Variants in AGBL4 observed in about 807,000 individuals in gnomAD.
The protein encoded by AGBL4 is cytosolic carboxypeptidase 6.
AGBL4 carries 58 observed loss-of-function variants against 66.4 expected under a neutral mutation model. The ratio of observed to expected loss-of-function variants is 0.87; its 90% CI spans 0.71 to 1.09. The LOEUF (loss-of-function observed/expected upper bound fraction) is 1.09. AGBL4 is among the 50% of genes least tolerant of loss of function. The pLI, the probability that AGBL4 is intolerant of heterozygous loss-of-function variation, is 0.00. For missense variants in AGBL4, 579 were observed against 631.0 expected, an observed-to-expected ratio of 0.92 and a Z score of 0.88; for synonymous variants, 234 against 222.9, an observed-to-expected ratio of 1.05 and a Z score of -0.44.
intron 1 of AGBL4, among the ~76,000 whole-genome samples, chr1:49,862,163 A>C (rs1261523281): frequency 6.6e-6 from 1 of 152,180 alleles, no homozygotes; most frequent in Non-Finnish European, 1.5e-5. Context: ...GAAGGAATTC[A>C]GAATGCTATC....
chr1:48,605,344 A>G (rs1412115136), intron 9 of AGBL4, among the ~76,000 whole-genome samples: 3 of 152,266 alleles, frequency 2.0e-5, no homozygotes, highest in African/African-American at 7.2e-5. Flanking sequence ...TAGGCAATCT[A>G]TGCTTTCTCC....
chr1:49,828,056 G>A (rs956689186), intron 2 of AGBL4, among the ~76,000 whole-genome samples: 3 of 151,566 alleles, frequency 2.0e-5, no homozygotes, highest in Non-Finnish European at 2.9e-5. Context: ...TTGGAAGGGA[G>A]TTCATAGCTT....
rs190294801 is a variant in AGBL4, at chr1:48,995,193, A to G, written c.594+50391T>C. Among the ~76,000 whole-genome samples, 157 of 152,286 alleles carry G rather than the reference A, an allele frequency of 1.0e-3. 1 individual carries two copies. Among genetic ancestry groups the G allele is most frequent in the Admixed American group, 5.0e-3 (77 of 15,298 alleles). On this transcript the variant is annotated intron_variant, in intron 5 of 13. Transcript: ENST00000371839. ...ATCTTCCCCTACTCTTCACCTGGCT[A>G]AAACCAACCTATCCTGCAAATTTCA...
At chr1:49,330,163 T>G (rs1447912007) in intron 3 of AGBL4, among the ~76,000 whole-genome samples, 3 of 152,252 alleles carry the variant, frequency 2.0e-5, no homozygotes, top group African/African-American at 7.2e-5. Context: ...GCACCTGTAA[T>G]CCCAGCACTT....
chr1:48,864,407 A>G (rs897777611), intron 6 of AGBL4, among the ~76,000 whole-genome samples: 5 of 152,230 alleles, frequency 3.3e-5, no homozygotes, highest in Non-Finnish European at 7.4e-5. Context: ...AGATGCATAT[A>G]ATTAATAAAT....
At chr1:49,687,116 G>A (rs766795317) in intron 3 of AGBL4, among the ~76,000 whole-genome samples, 1 of 152,166 alleles carries the variant, frequency 6.6e-6, no homozygotes, top group Non-Finnish European at 1.5e-5. Flanking sequence ...AGGTAATAGA[G>A]GGGTATTTAA....
chr1:48,961,070 C>T (rs1657927106), intron 5 of AGBL4, among the ~76,000 whole-genome samples: 1 of 148,964 alleles, frequency 6.7e-6, no homozygotes, highest in African/African-American at 2.6e-5. Flanking sequence ...TTGGGCAGAT[C>T]CCAGTCTGGG....
At chr1:49,210,205 C>T (rs1268599386) in intron 4 of AGBL4, among the ~76,000 whole-genome samples, 2 of 152,082 alleles carry the variant, frequency 1.3e-5, no homozygotes, top group Non-Finnish European at 2.9e-5. Flanking sequence ...ATTGTACAAA[C>T]ATGATCTCCT....
At chr1:48,849,181 A>C (rs1646980257) in intron 6 of AGBL4, among the ~76,000 whole-genome samples, 1 of 152,226 alleles carries the variant, frequency 6.6e-6, no homozygotes, top group Non-Finnish European at 1.5e-5. Flanking sequence ...ATAGCTGACT[A>C]AGACGAAAAT....
At chr1:48,534,995 G>C in intron 12 of AGBL4, 79 bp from the exon 13 acceptor site, 1 of 1,296,718 alleles carries the variant, frequency 7.7e-7, no homozygotes, top group South Asian at 1.3e-5. Context: ...CTATTCATCT[G>C]TCATTGAAGG....
chr1:48,607,784 A>G (rs1225493340), intron 9 of AGBL4, among the ~76,000 whole-genome samples: 1 of 152,206 alleles, frequency 6.6e-6, no homozygotes, highest in Non-Finnish European at 1.5e-5. Context: ...ACAAAACCAC[A>G]AAACAGGGTG....
At chr1:48,627,526 A>G (rs1055784178) in intron 9 of AGBL4, among the ~76,000 whole-genome samples, 9 of 151,690 alleles carry the variant, frequency 5.9e-5, no homozygotes, top group Admixed American at 2.6e-4. Context: ...GTTATAATTT[A>G]TTTATTTATT....
intron 3 of AGBL4, among the ~76,000 whole-genome samples, chr1:49,423,922 A>ATGAG (rs1406175555): frequency 6.6e-6 from 1 of 152,128 alleles, no homozygotes; most frequent in Non-Finnish European, 1.5e-5. Context: ...AAAATAGGCA[A>ATGAG]AATCCCTAAT....
intron 1 of AGBL4, among the ~76,000 whole-genome samples, chr1:50,022,779 T>A (rs957670642): frequency 2.0e-5 from 3 of 152,108 alleles, no homozygotes; most frequent in Non-Finnish European, 4.4e-5. Flanking sequence ...CCAAAGCCAC[T>A]TCTTTTCTAC....
chr1:48,754,384 G>C (rs1396064589), intron 6 of AGBL4, among the ~76,000 whole-genome samples: 1 of 152,058 alleles, frequency 6.6e-6, no homozygotes, highest in African/African-American at 2.4e-5. Flanking sequence ...ACTCTGTCTT[G>C]TTCATTACGT....
intron 1 of AGBL4, among the ~76,000 whole-genome samples, chr1:49,919,335 C>T (rs1200409829): frequency 6.6e-6 from 1 of 152,148 alleles, no homozygotes; most frequent in Non-Finnish European, 1.5e-5. Flanking sequence ...TTTAGAAAAC[C>T]TCATCATCTC....
At chr1:49,369,967 G>C (rs958713681) in intron 3 of AGBL4, among the ~76,000 whole-genome samples, 3 of 151,282 alleles carry the variant, frequency 2.0e-5, no homozygotes, top group Non-Finnish European at 4.4e-5. Context: ...CACCCTCCTT[G>C]AGCAAGAAGA....
At chr1:48,587,308 G>T in intron 10 of AGBL4, 142 bp from the exon 11 acceptor site, 1 of 799,062 alleles carries the variant, frequency 1.3e-6, no homozygotes, top group Non-Finnish European at 1.9e-6. Flanking sequence ...TTATTATAAG[G>T]ACTGATTAAA....
At chr1:49,685,077 A>C (rs1646763375) in intron 3 of AGBL4, among the ~76,000 whole-genome samples, 1 of 152,146 alleles carries the variant, frequency 6.6e-6, no homozygotes, top group Admixed American at 6.6e-5. Context: ...ACCTTCAAGA[A>C]GGCCCTGGTG....
Sources: allele counts gnomAD v4.1 joint callset (sites outside exome capture counted in the v4.1 genomes callset), GRCh38; gene constraint gnomAD v4.1.1; transcripts MANE v1.5; gene names NCBI Gene and HGNC (gene_info 2026-07-23, HGNC 2026-07-21).